KSR2: variants seen among roughly 807,000 people sequenced by gnomAD.
KSR2 encodes the protein kinase suppressor of ras 2.
A neutral mutation model predicts 107.8 loss-of-function variants in KSR2; 25 were observed. That is an observed-to-expected ratio of 0.23 (90% CI 0.17 to 0.32). The LOEUF (loss-of-function observed/expected upper bound fraction) is 0.32. KSR2 is among the 10% of genes least tolerant of loss of function. The pLI is 1.00. For missense variants in KSR2, 887 were observed against 1,268.9 expected, an observed-to-expected ratio of 0.70 and a Z score of 4.57; for synonymous variants, 480 against 507.0, an observed-to-expected ratio of 0.95 and a Z score of 0.71.
At chr12:117,627,160 C>A (rs1435502909) in intron 5 of KSR2, among the ~76,000 whole-genome samples, 1 of 152,048 alleles carries the variant, frequency 6.6e-6, no homozygotes, top group African/African-American at 2.4e-5. Flanking sequence ...ATCCAATTTG[C>A]CAGTCTGTGT....
chr12:117,832,600 C>A (rs1168253484), intron 3 of KSR2, among the ~76,000 whole-genome samples: 1 of 152,200 alleles, frequency 6.6e-6, no homozygotes. Flanking sequence ...GGAGGTCAGG[C>A]CAGTAGCTGC....
chr12:117,911,923 C>T lies in KSR2; in HGVS notation c.181-51492G>A, dbSNP rs181153220. 1.5e-3 allele frequency among the ~76,000 whole-genome samples: 227 copies of T among 152,346 alleles called. 2 individuals carry two copies. The highest frequency in any genetic ancestry group is 5.3e-3 in the African/African-American group (221 of 41,582). The stretch of plus-strand genomic sequence containing the variant: ...AACCACTTGCCCTGGGCCTCAAATC[C>T]AGAAGGGACCTCAAATTTAGACATC... On this transcript the variant is annotated intron_variant, in intron 1 of 19. Transcript: ENST00000339824.
chr12:117,851,057 G>A (rs1036304025), intron 3 of KSR2, among the ~76,000 whole-genome samples: 1 of 152,278 alleles, frequency 6.6e-6, no homozygotes, highest in African/African-American at 2.4e-5. Context: ...GATCAGAACT[G>A]GGTACACAAT....
chr12:117,851,618 C>T (rs1256636509), intron 3 of KSR2, among the ~76,000 whole-genome samples: 3 of 151,876 alleles, frequency 2.0e-5, no homozygotes, highest in Non-Finnish European at 2.9e-5. Flanking sequence ...AGGCCAGGCA[C>T]GGTGGCTCAT....
chr12:117,883,417 G>A (rs984804050), intron 1 of KSR2, among the ~76,000 whole-genome samples: 2 of 152,146 alleles, frequency 1.3e-5, no homozygotes, highest in African/African-American at 4.8e-5. Flanking sequence ...TCAACCATTG[G>A]GCTAAATCCT....
At chr12:117,751,473 G>A (rs1888609675) in intron 4 of KSR2, among the ~76,000 whole-genome samples, 1 of 152,152 alleles carries the variant, frequency 6.6e-6, no homozygotes, top group Admixed American at 6.5e-5. Flanking sequence ...AAACATCACT[G>A]TGCTAGTGGG....
At position 117,455,336 on chromosome 12, in the gene KSR2, T is replaced by C. The variant is rs1410984854; in HGVS notation, c.*11863A>G. 1 of 152,288 alleles carries C rather than the reference T, an allele frequency of 6.6e-6. No homozygotes were observed. Among genetic ancestry groups the C allele is most frequent in the Non-Finnish European group, 1.5e-5 (1 of 68,098 alleles). 9.4% of individuals were successfully genotyped at this position (152,288 alleles called of 1,614,324 possible). A position where few individuals can be genotyped will look rare whatever the true frequency, so the allele number is the denominator to read the frequency against. On this transcript the variant is annotated 3_prime_UTR_variant, in exon 20 of 20. Coordinates refer to ENST00000339824, the MANE Select transcript of KSR2 (RefSeq NM_173598.6). ...GGCAGGCAAGTGCCAGGGGGCAGGATTTTAGCCACTTGCAGTTACCCTCAA... is the reference window on the plus strand; with the variant it reads ...GGCAGGCAAGTGCCAGGGGGCAGGACTTTAGCCACTTGCAGTTACCCTCAA...
At chr12:117,586,559 C>T (rs943918748) in intron 5 of KSR2, among the ~76,000 whole-genome samples, 3 of 146,812 alleles carry the variant, frequency 2.0e-5, no homozygotes, top group African/African-American at 7.6e-5. Context: ...TGCACTCCAG[C>T]CTGGGCAACA....
chr12:117,963,556 T>G (rs1022224021), intron 1 of KSR2, among the ~76,000 whole-genome samples: 1 of 152,084 alleles, frequency 6.6e-6, no homozygotes, highest in Non-Finnish European at 1.5e-5. Flanking sequence ...TAAGCCATGA[T>G]CGTGCCACTG....
chr12:117,746,940 T>C (rs926349404), intron 4 of KSR2, among the ~76,000 whole-genome samples: 5 of 152,204 alleles, frequency 3.3e-5, no homozygotes, highest in African/African-American at 1.2e-4. Flanking sequence ...CAATAGATGC[T>C]GGTGAGGCTG....
intron 3 of KSR2, among the ~76,000 whole-genome samples, chr12:117,835,621 G>T (rs1225883588): frequency 6.6e-6 from 1 of 152,174 alleles, no homozygotes; most frequent in East Asian, 1.9e-4. Flanking sequence ...TCAGCCCAGA[G>T]TGATTTTGCC....
chr12:117,829,011 C>T (rs1173376393), intron 3 of KSR2, among the ~76,000 whole-genome samples: 1 of 152,158 alleles, frequency 6.6e-6, no homozygotes, highest in African/African-American at 2.4e-5. Context: ...GATGGGGTGA[C>T]CTTGGGGTAA....
At chr12:117,834,032 T>G (rs1892091396) in intron 3 of KSR2, among the ~76,000 whole-genome samples, 1 of 151,422 alleles carries the variant, frequency 6.6e-6, no homozygotes, top group Non-Finnish European at 1.5e-5. Flanking sequence ...TTCCAACTAC[T>G]CTGGGGGCTG....
intron 4 of KSR2, among the ~76,000 whole-genome samples, chr12:117,696,270 C>T (rs1164508606): frequency 6.6e-6 from 1 of 152,190 alleles, no homozygotes; most frequent in Non-Finnish European, 1.5e-5. Context: ...ATGATCCACA[C>T]ATTACCTGGG....
At chr12:117,966,619 G>GCACA (rs1488587930) in intron 1 of KSR2, among the ~76,000 whole-genome samples, 49 of 130,104 alleles carry the variant, frequency 3.8e-4, no homozygotes, top group Admixed American at 1.2e-3. Context: ...TCTCACACGC[G>GCACA]CACGCACACA....
chr12:117,644,215 C>A (rs529260012), intron 5 of KSR2, among the ~76,000 whole-genome samples: 3 of 152,220 alleles, frequency 2.0e-5, no homozygotes, highest in Non-Finnish European at 4.4e-5. Flanking sequence ...TAAGCAGGAA[C>A]AGCACTGGTG....
chr12:117,668,719 G>A (rs1317791985), intron 4 of KSR2, among the ~76,000 whole-genome samples: 1 of 152,134 alleles, frequency 6.6e-6, no homozygotes, highest in Non-Finnish European at 1.5e-5. Flanking sequence ...TTAATACAAA[G>A]TATAAACATG....
At chr12:117,862,728 C>CT (rs60357744) in intron 1 of KSR2, among the ~76,000 whole-genome samples, 3,787 of 135,534 alleles carry the variant, frequency 0.028, 50 homozygotes, top group Non-Finnish European at 0.037. Flanking sequence ...CATTCCCCCC[C>CT]TTTTTTTTTT....
At chr12:117,860,175 C>G in intron 2 of KSR2, 116 bp downstream of exon 2, 3 of 1,021,234 alleles carry the variant, frequency 2.9e-6, no homozygotes, top group Non-Finnish European at 4.2e-6. Context: ...TTATTGAGAG[C>G]CTGCTATGTG....
Sources: allele counts gnomAD v4.1 joint callset (sites outside exome capture counted in the v4.1 genomes callset), GRCh38; gene constraint gnomAD v4.1.1; transcripts MANE v1.5; gene names NCBI Gene and HGNC (gene_info 2026-07-23, HGNC 2026-07-21).